The following KANK1 variants were observed in gnomAD, a reference collection of about 807,000 sequenced individuals.
KANK1 encodes the protein KN motif and ankyrin repeat domains 1.
A neutral mutation model predicts 106.2 loss-of-function variants in KANK1; 109 were observed. The observed-to-expected ratio is 1.03, with a 90% CI of 0.88 to 1.20. KANK1 has a LOEUF of 1.20. Ranked by LOEUF, KANK1 falls within the 50% of genes most tolerant of loss-of-function variation. KANK1 has a pLI of 0.00. For missense variants in KANK1, 2,399 were observed against 1,710.7 expected, an observed-to-expected ratio of 1.40 and a Z score of -7.10; for synonymous variants, 873 against 652.2, an observed-to-expected ratio of 1.34 and a Z score of -5.16.
intron 1 of KANK1, among the ~76,000 whole-genome samples, chr9:565,184 C>T (rs1230459044): frequency 6.6e-6 from 1 of 152,196 alleles, no homozygotes; most frequent in African/African-American, 2.4e-5. Context: ...AATCAGAGAG[C>T]TGGAGAACAT....
In KANK1 at chr9:691,117, G is replaced by C. The variant is rs115319376; in HGVS notation, c.37+14108G>C. 1.2e-3 allele frequency among the ~76,000 whole-genome samples: 177 copies of C among 152,182 alleles called. 1 individual carries two copies. Among genetic ancestry groups the C allele is most frequent in the African/African-American group, 4.1e-3 (169 of 41,506 alleles). ...GTTTCCCTTCCCAACCCTTGTCATC[G>C]TCTGATAAAGGACTAGGCATTTATT... On this transcript the variant is annotated intron_variant, in intron 2 of 11. Transcript: ENST00000382297.
At chr9:608,186 C>T (rs10975390) in intron 1 of KANK1, among the ~76,000 whole-genome samples, 19 of 149,442 alleles carry the variant, frequency 1.3e-4, no homozygotes, top group African/African-American at 4.2e-4. Context: ...TACAGGCGCC[C>T]GCCACCGCGC....
chr9:622,019 G>C (rs1731302917), intron 1 of KANK1, among the ~76,000 whole-genome samples: 1 of 152,074 alleles, frequency 6.6e-6, no homozygotes, highest in African/African-American at 2.4e-5. Flanking sequence ...ATTTTTCCAG[G>C]TTTTCTTTAA....
At chr9:580,378 T>C (rs1821754539) in intron 1 of KANK1, among the ~76,000 whole-genome samples, 1 of 152,140 alleles carries the variant, frequency 6.6e-6, no homozygotes, top group Admixed American at 6.5e-5. Flanking sequence ...TTCCACACTG[T>C]GGGAGGGGAC....
At chr9:722,313 TTC>T (rs34533149) in intron 3 of KANK1, among the ~76,000 whole-genome samples, 64 of 149,276 alleles carry the variant, frequency 4.3e-4, no homozygotes, top group South Asian at 8.4e-4. Flanking sequence ...TAAGTGTTCA[TTC>T]TCTCTCTCTC....
chr9:731,146 A>G lies in KANK1; in HGVS notation c.2897-12A>G. Reference sequence around the variant, plus strand: ...GTGAGTTTTCATTTTTATTGCCTTGACTTTTTCACAGCATGTACAAACAAT... The same window carrying G: ...GTGAGTTTTCATTTTTATTGCCTTGGCTTTTTCACAGCATGTACAAACAAT... On this transcript the variant is annotated splice_polypyrimidine_tract_variant and intron_variant, in intron 4 of 11. Transcript: ENST00000382297. 2 of 1,521,220 alleles carry G rather than the reference A, an allele frequency of 1.3e-6. No individual in the cohort carries two copies. Among genetic ancestry groups the G allele is most frequent in the Non-Finnish European group, 1.8e-6 (2 of 1,099,704 alleles). The allele number at this position is 1,521,220 out of a possible 1,614,324, so 94.2% of individuals were successfully genotyped here.
intron 6 of KANK1, chr9:733,400 A>G (rs780305251): frequency 1.3e-5 from 2 of 152,240 alleles, no homozygotes; most frequent in Non-Finnish European, 2.9e-5. Context: ...AGTGTTTCAC[A>G]TGGCTTTTTA....
intron 2 of KANK1, among the ~76,000 whole-genome samples, chr9:708,963 T>G (rs1825122842): frequency 6.6e-6 from 1 of 152,240 alleles, no homozygotes; most frequent in African/African-American, 2.4e-5. Context: ...GTCTGCGCTT[T>G]GAAAGGTTCT....
At chr9:475,009 A>C (rs934886733) in intron 3 of KANK1, among the ~76,000 whole-genome samples, 2 of 152,184 alleles carry the variant, frequency 1.3e-5, no homozygotes, top group Admixed American at 1.3e-4. Context: ...GGTGATGGTC[A>C]CATGGTTGTT....
intron 2 of KANK1, among the ~76,000 whole-genome samples, chr9:680,278 G>A (rs1817277721): frequency 6.6e-6 from 1 of 152,064 alleles, no homozygotes; most frequent in Non-Finnish European, 1.5e-5. Flanking sequence ...CCATGCCCTT[G>A]GCACAAAATA....
Position 713,172 on chromosome 9 carries a change from C to A in KANK1, c.2406C>A (p.Asp802Glu), listed in dbSNP as rs748072513. ...GAAGGAGCGTGGGGGTTGGGGATGACCCTGTAGGGGAATCTCTGGAGAACC... is the reference window on the plus strand; with the variant it reads ...GAAGGAGCGTGGGGGTTGGGGATGAACCTGTAGGGGAATCTCTGGAGAACC... ...ASRRSVGVGD[D>E]PVGESLENPQ... The change falls in exon 3 of 12, where the codon GAC becomes GAA. Residue 802 changes from aspartate to glutamate, a missense_variant. By Grantham distance (45) the Asp-to-Glu change is conservative. Transcript: ENST00000382297. 2 of 1,587,294 alleles carry A rather than the reference C, an allele frequency of 1.3e-6. No individual in the cohort carries two copies. Among genetic ancestry groups the A allele is most frequent in the Non-Finnish European group, 1.7e-6 (2 of 1,166,476 alleles).
chr9:544,585 C>T (rs895240190), intron 1 of KANK1, among the ~76,000 whole-genome samples: 9 of 152,252 alleles, frequency 5.9e-5, no homozygotes, highest in East Asian at 5.8e-4. Context: ...TAACATATTT[C>T]GCTGGGGAAC....
chr9:521,524 C>T (rs1409798953), intron 1 of KANK1, among the ~76,000 whole-genome samples: 2 of 149,862 alleles, frequency 1.3e-5, no homozygotes, highest in African/African-American at 5.0e-5. Context: ...TCATCAAACA[C>T]TGGGCACTTG....
intron 1 of KANK1, among the ~76,000 whole-genome samples, chr9:602,353 G>C (rs1588154358): frequency 6.6e-6 from 1 of 151,764 alleles, no homozygotes; most frequent in East Asian, 1.9e-4. Flanking sequence ...TCCCGCTCCT[G>C]GGTTCAAGCG....
chr9:716,595 C>G (rs1253057764), intron 3 of KANK1, among the ~76,000 whole-genome samples: 1 of 152,122 alleles, frequency 6.6e-6, no homozygotes, highest in Non-Finnish European at 1.5e-5. Context: ...AAGCTCAAAA[C>G]GAAGTATATT....
At chr9:605,863 A>G (rs1044719366) in intron 1 of KANK1, among the ~76,000 whole-genome samples, 2 of 151,518 alleles carry the variant, frequency 1.3e-5, no homozygotes, top group African/African-American at 4.9e-5. Context: ...AAGATGGGAG[A>G]GAGAAATGGT....
At chr9:518,408 C>CAGTTTTTACTT (rs199596012) in intron 1 of KANK1, among the ~76,000 whole-genome samples, 9,178 of 151,612 alleles carry the variant, frequency 0.061, 405 homozygotes, top group Non-Finnish European at 0.095. Flanking sequence ...TGGCCCAGGG[C>CAGTTTTTACTT]AGTTTTTACT....
In KANK1 at chr9:523,179, G is replaced by A. The variant is rs62531465; in HGVS notation, c.-84+18425G>A. On this transcript the variant is annotated intron_variant, in intron 1 of 11. Coordinates refer to ENST00000382297, the MANE Select transcript of KANK1 (RefSeq NM_015158.5). ...CCTTCCCCAGTATCTACACCCGAGT[G>A]TGTGGTGGCCACCTCAAATTCAACG... 3.0e-3 allele frequency among the ~76,000 whole-genome samples: 457 copies of A among 151,696 alleles called. 2 individuals carry two copies. Among genetic ancestry groups the A allele is most frequent in the Non-Finnish European group, 3.7e-3 (253 of 68,016 alleles).
At chr9:651,561 C>G (rs78698014) in intron 1 of KANK1, among the ~76,000 whole-genome samples, 1,766 of 152,302 alleles carry the variant, frequency 0.012, 25 homozygotes, top group Non-Finnish European at 0.017. Flanking sequence ...CTTGTTCGTT[C>G]CACAAGTTAC....
Sources: gnomAD v4.1 joint callset for allele counts (sites outside exome capture counted in the v4.1 genomes callset) on GRCh38, gnomAD v4.1.1 for gene constraint, MANE v1.5 for transcripts, NCBI Gene and HGNC (gene_info 2026-07-23, HGNC 2026-07-21) for gene names.